The following PLB1 variants were observed in gnomAD, a reference collection of about 807,000 sequenced individuals.
PLB1 encodes phospholipase B1, membrane-associated.
PLB1 carries 242 observed loss-of-function variants against 227.4 expected under a neutral mutation model. That is an observed-to-expected ratio of 1.06 (90% CI 0.96 to 1.18). The LOEUF (loss-of-function observed/expected upper bound fraction) is 1.18, where lower values mean the gene tolerates loss of function less well. Ranked by LOEUF, PLB1 falls within the 50% of genes most tolerant of loss-of-function variation. The pLI is 0.00. For synonymous variants in PLB1, 757 were observed against 682.2 expected, an observed-to-expected ratio of 1.11 and a Z score of -1.71; for missense variants, 1,858 against 1,816.3, an observed-to-expected ratio of 1.02 and a Z score of -0.42.
intron 32 of PLB1, 130 bp from the exon 33 acceptor site, chr2:28,593,551 T>A: frequency 1.4e-6 from 1 of 725,384 alleles, no homozygotes; most frequent in East Asian, 2.7e-5. Flanking sequence ...AGCCAGGGGC[T>A]CCTGGTTCCA....
At chr2:28,571,295 G>A (rs904060423) in intron 20 of PLB1, among the ~76,000 whole-genome samples, 2 of 152,092 alleles carry the variant, frequency 1.3e-5, no homozygotes, top group Non-Finnish European at 2.9e-5. Context: ...AAACATTGCT[G>A]TAAGAAATTA....
intron 49 of PLB1, among the ~76,000 whole-genome samples, chr2:28,623,432 T>C (rs751525420): frequency 6.6e-6 from 1 of 152,184 alleles, no homozygotes; most frequent in African/African-American, 2.4e-5. Flanking sequence ...TGGATTCTCT[T>C]AGTCACACCT....
At chr2:28,626,674 A>G (rs2148334090) in intron 51 of PLB1, 166 bp downstream of exon 51, 2 of 654,176 alleles carry the variant, frequency 3.1e-6, no homozygotes, top group East Asian at 5.5e-5. Flanking sequence ...GGCAAGGCCC[A>G]GCCTTTTCTA....
At chr2:28,599,606 T>C (rs1394899835) in intron 35 of PLB1, among the ~76,000 whole-genome samples, 1 of 152,218 alleles carries the variant, frequency 6.6e-6, no homozygotes, top group Non-Finnish European at 1.5e-5. Context: ...AATCTATTCC[T>C]TCCATAAATT....
chr2:28,624,000 G>C (rs1311207210), intron 49 of PLB1, among the ~76,000 whole-genome samples: 27 of 152,176 alleles, frequency 1.8e-4, no homozygotes, highest in Admixed American at 1.7e-3. Flanking sequence ...GGAAGGCTGA[G>C]ATGGGAGGAT....
Position 28,589,473 on chromosome 2 carries a change from G to A in PLB1, c.1839G>A (p.Glu613=), listed in dbSNP as rs2148281796. 6.2e-7 allele frequency: 1 copy of A among 1,614,180 alleles called. No individual in the cohort carries two copies. Among genetic ancestry groups the A allele is most frequent in the South Asian group, 1.1e-5 (1 of 91,084 alleles). The change falls in exon 27 of 58, where the codon GAG becomes GAA. Residue 613 remains glutamate, a synonymous_variant. Coordinates refer to ENST00000327757, the MANE Select transcript of PLB1 (RefSeq NM_153021.5). The part of the protein sequence containing the change: ...KFQEKTHQLI[E]SGRYDTREDF... ...AGGAGAAGACCCACCAACTGATTGA[G>A]AGTGGGCGATATGACACAAGGGAAG... is the stretch of plus-strand genomic sequence containing the variant.
At chr2:28,496,820 G>A (rs546117978) in intron 1 of PLB1, among the ~76,000 whole-genome samples, 5 of 152,282 alleles carry the variant, frequency 3.3e-5, no homozygotes, top group African/African-American at 1.2e-4. Context: ...GCTTAGGAAG[G>A]CAGAATCTTT....
chr2:28,553,934 G>A (rs1432117356), intron 17 of PLB1, among the ~76,000 whole-genome samples: 1 of 152,124 alleles, frequency 6.6e-6, no homozygotes, highest in Non-Finnish European at 1.5e-5. Context: ...CTGAGCATCA[G>A]GAGAGCAAAT....
chr2:28,621,762 T>A (rs1687084539), intron 49 of PLB1, among the ~76,000 whole-genome samples: 1 of 152,200 alleles, frequency 6.6e-6, no homozygotes, highest in South Asian at 2.1e-4. Context: ...CAGGAAGCGA[T>A]GTCAGTTCCT....
Position 28,516,857 on chromosome 2 carries a change from G to A in PLB1, c.105G>A (p.Gln35=), listed in dbSNP as rs748613887. The A allele has an allele frequency of 6.2e-7, 1 of 1,613,904 alleles. No homozygotes were observed. Residue 35 remains glutamine (Q), a synonymous_variant, in exon 2 of 58, where the codon CAG becomes CAA. Coordinates refer to ENST00000327757, the MANE Select transcript of PLB1 (RefSeq NM_153021.5). The part of the protein sequence containing the change: ...TSPRKSTLEG[Q]LWPETLKNSP... ...CTAGAAAGAGTACATTGGAAGGGCAGCTATGGCCAGAGGTAAGGGCTTTGG... is the reference window on the plus strand; with the variant it reads ...CTAGAAAGAGTACATTGGAAGGGCAACTATGGCCAGAGGTAAGGGCTTTGG...
intron 17 of PLB1, among the ~76,000 whole-genome samples, chr2:28,562,540 C>CAGAAAAAAAAAAA (rs1676216013): frequency 2.3e-5 from 1 of 42,606 alleles, no homozygotes; most frequent in Non-Finnish European, 3.9e-5. Flanking sequence ...GACTCTGTCT[C>CAGAAAAAAAAAAA]AAAAAAAAAA....
chr2:28,642,303 G>A (rs1006307196), intron 57 of PLB1, among the ~76,000 whole-genome samples: 1 of 151,992 alleles, frequency 6.6e-6, no homozygotes, highest in African/African-American at 2.4e-5. Flanking sequence ...CTTCCAGCAA[G>A]GGGGCTAAAC....
intron 28 of PLB1, 91 bp from the exon 29 acceptor site, chr2:28,589,914 C>T (rs1681590444): frequency 5.8e-6 from 8 of 1,383,118 alleles, no homozygotes; most frequent in Non-Finnish European, 8.2e-6. Context: ...TCCTTCATCC[C>T]TCCCTGCCTC....
chr2:28,502,585 G>A (rs1162082145), intron 1 of PLB1, among the ~76,000 whole-genome samples: 2 of 152,164 alleles, frequency 1.3e-5, no homozygotes, highest in African/African-American at 2.4e-5. Context: ...AAATCAAGTT[G>A]ATCATGGTGT....
chr2:28,557,114 C>T (rs1045900691), intron 17 of PLB1, among the ~76,000 whole-genome samples: 6 of 152,158 alleles, frequency 3.9e-5, no homozygotes, highest in Non-Finnish European at 8.8e-5. Flanking sequence ...AAATAACAGC[C>T]TGCTTGTCCC....
chr2:28,638,321 A>G (rs1225530158), intron 56 of PLB1, among the ~76,000 whole-genome samples: 3 of 152,084 alleles, frequency 2.0e-5, no homozygotes, highest in South Asian at 2.1e-4. Flanking sequence ...TAGGACCCAC[A>G]TGGGCCTAGA....
intron 17 of PLB1, among the ~76,000 whole-genome samples, chr2:28,559,286 C>T (rs1675650657): frequency 6.6e-6 from 1 of 152,216 alleles, no homozygotes; most frequent in Non-Finnish European, 1.5e-5. Context: ...TTGGGCCCAC[C>T]CCAGACCTAT....
intron 17 of PLB1, 130 bp from the exon 18 acceptor site, chr2:28,562,911 C>A: frequency 2.4e-6 from 2 of 826,570 alleles, no homozygotes; most frequent in Non-Finnish European, 4.0e-6. Flanking sequence ...ATCTTTTATC[C>A]AAGGTGTCTT....
intron 56 of PLB1, among the ~76,000 whole-genome samples, chr2:28,638,896 C>A (rs925629477): frequency 6.7e-6 from 1 of 149,040 alleles, no homozygotes; most frequent in African/African-American, 2.5e-5. Context: ...AACCCTGTCT[C>A]TACTGAAAAT....
Sources: allele counts gnomAD v4.1 joint callset (sites outside exome capture counted in the v4.1 genomes callset), GRCh38; gene constraint gnomAD v4.1.1; transcripts MANE v1.5; gene names NCBI Gene and HGNC (gene_info 2026-07-23, HGNC 2026-07-21).